The following HSP90B1 variants were observed in gnomAD, a reference collection of about 807,000 sequenced individuals.
The protein encoded by HSP90B1 is endoplasmin.
A neutral mutation model predicts 100.4 loss-of-function variants in HSP90B1; 27 were observed. The ratio of observed to expected loss-of-function variants is 0.27; its 90% confidence interval spans 0.20 to 0.37. The LOEUF (loss-of-function observed/expected upper bound fraction) is 0.37. Among genes scored for constraint, HSP90B1 ranks in the 10% least tolerant of loss-of-function variants. The pLI, the probability that HSP90B1 is intolerant of heterozygous loss-of-function variation, is 1.00. For synonymous variants in HSP90B1, 304 were observed against 330.8 expected (o/e 0.92, Z 0.88); for missense variants, 678 against 960.5 (o/e 0.71, Z 3.89).
In HSP90B1 at chr12:103,930,646, AG is replaced by A. The variant is rs1173500418; in HGVS notation, c.49+88del. On this transcript the variant is annotated intron_variant, in intron 1 of 17. Transcript: ENST00000299767. This position sits in a 1 kb window ranked among gnomAD's most constrained non-coding sequence, Gnocchi z 4.4. ...AGGTCCTGGGGGCGTTGAACGTGGGAGGGGGGATCCCGGGGCCTGCGGTGGG... is the reference window on the plus strand; with the variant it reads ...AGGTCCTGGGGGCGTTGAACGTGGGAGGGGGATCCCGGGGCCTGCGGTGGG... 5 of 1,407,576 alleles carry A rather than the reference AG, an allele frequency of 3.6e-6. No homozygotes were observed. Among genetic ancestry groups the A allele is most frequent in the Admixed American group, 2.2e-5 (1 of 46,324 alleles). 87.2% of individuals were successfully genotyped at this position (1,407,576 alleles called of 1,614,324 possible).
chr12:103,943,224 G>A lies in HSP90B1; in HGVS notation c.1795G>A (p.Asp599Asn). ...TGTTGCCAAGGAAGGAGTGAAGTTC[G>A]ATGAAAGTGAGAAAACTAAGGAGAG... ...QNVAKEGVKF[D>N]ESEKTKESRE... The change falls in exon 13 of 18, where the codon GAT (aspartate) becomes AAT (asparagine). Residue 599 changes from aspartate to asparagine, a missense_variant. Around this residue, in one of 8 missense-constraint regions of HSP90B1, gnomAD observed 170 missense variants for 236.7 expected, o/e 0.72. Coordinates refer to ENST00000299767, the MANE Select transcript of HSP90B1 (RefSeq NM_003299.3). This position sits in a 1 kb window ranked among gnomAD's most constrained non-coding sequence, Gnocchi z 5.3. 4 of 1,614,158 alleles carry A rather than the reference G, an allele frequency of 2.5e-6. No homozygotes were observed. Among genetic ancestry groups the A allele is most frequent in the South Asian group, 2.2e-5 (2 of 91,086 alleles).
chr12:103,932,477 A>G, intron 3 of HSP90B1, 59 bp downstream of exon 3: 1 of 1,450,846 alleles, frequency 6.9e-7, no homozygotes, highest in East Asian at 2.3e-5. Context: ...TGTTTACTTA[A>G]ATTTGCTTAA....
In HSP90B1 at chr12:103,947,335, C is replaced by T; in HGVS notation, c.2287C>T (p.Pro763Ser). 5 of 1,602,724 alleles carry T rather than the reference C, an allele frequency of 3.1e-6. No individual in the cohort carries two copies. Among genetic ancestry groups the T allele is most frequent in the Non-Finnish European group, 3.4e-6 (4 of 1,173,720 alleles). Reference sequence around the variant, plus strand: ...GGTGGAAGAAGAGCCCGAAGAAGAACCTGAAGAGACAGCAGAAGACACAAC... The same window carrying T: ...GGTGGAAGAAGAGCCCGAAGAAGAATCTGAAGAGACAGCAGAAGACACAAC... Reference protein sequence around the residue: ...AKVEEEPEEEPEETAEDTTED... With the variant: ...AKVEEEPEEESEETAEDTTED... The change falls in exon 17 of 18, where the codon CCT (proline) becomes TCT (serine). Residue 763 changes from proline (P) to serine (S), a missense_variant. Physicochemically the swap from Pro to Ser is moderately conservative, Grantham distance 74. This residue lies in a region of HSP90B1 where 65 missense variants were observed against 65.1 expected (regional missense o/e 1.00). Transcript: ENST00000299767.
rs375456268 is a variant in HSP90B1, at chr12:103,947,693, G to C, written c.*31G>C. On this transcript the variant is annotated 3_prime_UTR_variant, in exon 18 of 18. Coordinates refer to ENST00000299767, the MANE Select transcript of HSP90B1 (RefSeq NM_003299.3). ...ACTCTCACCATTTGGATCCTGTGTG[G>C]AGAGGGAATGTGAAATTTACATCAT... 3.3e-5 allele frequency: 51 copies of C among 1,562,828 alleles called. No individual in the cohort carries two copies. The highest frequency in any genetic ancestry group is 4.3e-5 in the Non-Finnish European group (49 of 1,133,738).
In HSP90B1 at chr12:103,938,389, A is replaced by G. The variant is rs922226216; in HGVS notation, c.905A>G (p.Glu302Gly). Residue 302 changes from glutamate to glycine, a missense_variant, in exon 7 of 18, where the codon GAG becomes GGG. Glu to Gly is a moderately conservative substitution (Grantham distance 98). Around this residue, in one of 8 missense-constraint regions of HSP90B1, gnomAD observed 238 missense variants for 346.7 expected, o/e 0.69. Transcript: ENST00000299767. ...GAGGAAGAAGAAGCAGCCAAAGAAG[A>G]GAAAGAAGAATCTGATGATGAAGCT... ...PMEEEEAAKEEKEESDDEAAV... is the reference protein window; with the variant it reads ...PMEEEEAAKEGKEESDDEAAV... 2 of 1,582,406 alleles carry G rather than the reference A, an allele frequency of 1.3e-6. No individual in the cohort carries two copies. The highest frequency in any genetic ancestry group is 1.8e-5 in the Admixed American group (1 of 56,112).
chr12:103,932,049 A>AT (rs36044446), intron 2 of HSP90B1: 46,065 of 398,548 alleles, frequency 0.12, 703 homozygotes, highest in Middle Eastern at 0.19. Context: ...GAAAGTTGGG[A>AT]TTTTTTTTTT....
At chr12:103,935,509 C>T in intron 5 of HSP90B1, among the ~76,000 whole-genome samples, 1 of 152,186 alleles carries the variant, frequency 6.6e-6, no homozygotes, top group East Asian at 1.9e-4. Flanking sequence ...GAAGCACATA[C>T]TTATCATTGT....
intron 14 of HSP90B1, among the ~76,000 whole-genome samples, chr12:103,944,342 A>G (rs1230519415): frequency 6.6e-6 from 1 of 152,106 alleles, no homozygotes; most frequent in East Asian, 1.9e-4. Flanking sequence ...AATTAACAGT[A>G]TTTGAACTCA....
At position 103,930,586 on chromosome 12, in the gene HSP90B1, G is replaced by C; in HGVS notation, c.49+22G>C. The C allele has an allele frequency of 1.2e-6, 2 of 1,601,324 alleles. No individual in the cohort carries two copies. ...TTCGGTGAGTGATTCTGGAGGAGCA[G>C]ACGTCCCCCCTCCACACACGCGGCC... On this transcript the variant is annotated intron_variant, in intron 1 of 17. Coordinates refer to ENST00000299767, the MANE Select transcript of HSP90B1 (RefSeq NM_003299.3). This position sits in a 1 kb window ranked among gnomAD's most constrained non-coding sequence, Gnocchi z 4.4.
chr12:103,932,542 C>G lies in HSP90B1; in HGVS notation c.294+124C>G. On this transcript the variant is annotated intron_variant, in intron 3 of 17. Coordinates refer to ENST00000299767, the MANE Select transcript of HSP90B1 (RefSeq NM_003299.3). The stretch of plus-strand genomic sequence containing the variant: ...TAAGTAGGTAACAACCTTTAAATAC[C>G]TAATATGTCCAAGAATTGCTACCAG... 5.1e-6 allele frequency: 4 copies of G among 785,254 alleles called. 1 individual carries two copies. The South Asian group carries it at 7.5e-5, about 15-fold the overall frequency. 48.6% of individuals were successfully genotyped at this position (785,254 alleles called of 1,614,324 possible).
rs147779406 is a variant in HSP90B1, at chr12:103,946,494, A to G, written c.2028-124A>G. 4.6e-3 allele frequency: 3,207 copies of G among 692,262 alleles called. 16 individuals carry two copies. The highest frequency in any genetic ancestry group is 9.5e-3 in the Middle Eastern group (35 of 3,666). 42.9% of individuals were successfully genotyped at this position (692,262 alleles called of 1,614,324 possible). ...TCAAACCTGTGGTGTTCAAGTGTCA[A>G]TAGTACATTTTGATTTTTTTTTTTT... On this transcript the variant is annotated intron_variant, in intron 14 of 17. Transcript: ENST00000299767.
chr12:103,930,896 G>A lies in HSP90B1; in HGVS notation c.49+332G>A, dbSNP rs908488890. ...CCTCCCCGCCCGGAGGACTTTTTCG[G>A]CCACCGCAACCTTCGGCCATCCCAG... On this transcript the variant is annotated intron_variant, in intron 1 of 17. Coordinates refer to ENST00000299767, the MANE Select transcript of HSP90B1 (RefSeq NM_003299.3). The surrounding 1 kb of genome is among the most constrained non-coding windows in gnomAD (Gnocchi z 4.4). Among the ~76,000 whole-genome samples the A allele has an allele frequency of 4.0e-5, 6 of 149,396 alleles. No individual in the cohort carries two copies. Among genetic ancestry groups the A allele is most frequent in the African/African-American group, 1.5e-4 (6 of 40,336 alleles).
At position 103,946,723 on chromosome 12, in the gene HSP90B1, G is replaced by A. The variant is rs199884860; in HGVS notation, c.2106+27G>A. The A allele has an allele frequency of 3.0e-5, 48 of 1,612,512 alleles. No homozygotes were observed. The Middle Eastern group carries it at 4.9e-4, about 17-fold the overall frequency. The stretch of plus-strand genomic sequence containing the variant: ...TAGTATTAAAGCAGTCCTCTTGCTT[G>A]TCTTTTAATTTGAGTACTTTGTATC... On this transcript the variant is annotated intron_variant, in intron 15 of 17. Coordinates refer to ENST00000299767, the MANE Select transcript of HSP90B1 (RefSeq NM_003299.3).
chr12:103,942,942 A>G (rs1300637355), intron 12 of HSP90B1, 132 bp from the exon 13 acceptor site: 24 of 1,428,302 alleles, frequency 1.7e-5, no homozygotes, highest in Non-Finnish European at 2.1e-5. Context: ...AAGGTCATTT[A>G]TATTCTCTGA....
Position 103,947,325 on chromosome 12 carries a change from CGAA to C in HSP90B1, c.2284_2286del (p.Glu762del). The C allele has an allele frequency of 3.1e-6, 5 of 1,596,078 alleles. No individual in the cohort carries two copies. The highest frequency in any genetic ancestry group is 1.7e-4 in the Middle Eastern group (1 of 5,958). On this transcript the variant is annotated inframe_deletion, in exon 17 of 18. Coordinates refer to ENST00000299767, the MANE Select transcript of HSP90B1 (RefSeq NM_003299.3). ...GTTGTGTTTAGGTGGAAGAAGAGCC[CGAA>C]GAAGAACCTGAAGAGACAGCAGAAG...
At chr12:103,934,991 G>A (rs912586784) in intron 5 of HSP90B1, among the ~76,000 whole-genome samples, 6 of 152,150 alleles carry the variant, frequency 3.9e-5, no homozygotes, top group South Asian at 2.1e-4. Context: ...ATGAGCTACC[G>A]TGCCCAGCCA....
At chr12:103,946,039 G>A (rs1038353018) in intron 14 of HSP90B1, among the ~76,000 whole-genome samples, 3 of 152,114 alleles carry the variant, frequency 2.0e-5, no homozygotes, top group African/African-American at 4.8e-5. Context: ...AAGTCGTGCC[G>A]TATTTGCATA....
Position 103,943,661 on chromosome 12 carries a change from T to G in HSP90B1, c.1891-77T>G. ...GTTTATGATCTTAAGTGATAAAGTC[T>G]TAGACAGTTGAAAGACAATTGCTCA... is the stretch of plus-strand genomic sequence containing the variant. On this transcript the variant is annotated intron_variant, in intron 13 of 17. Coordinates refer to ENST00000299767, the MANE Select transcript of HSP90B1 (RefSeq NM_003299.3). The surrounding 1 kb of genome is among the most constrained non-coding windows in gnomAD (Gnocchi z 5.3). 1 of 1,400,186 alleles carries G rather than the reference T, an allele frequency of 7.1e-7. No homozygotes were observed. Among genetic ancestry groups the G allele is most frequent in the African/African-American group, 1.4e-5 (1 of 70,190 alleles). The allele number at this position is 1,400,186 out of a possible 1,614,324, so 86.7% of individuals were successfully genotyped here. A position where few individuals can be genotyped will look rare whatever the true frequency, so the allele number is the denominator to read the frequency against.
chr12:103,939,479 G>C, intron 7 of HSP90B1, 30 bp from the exon 8 acceptor site: 1 of 1,015,944 alleles, frequency 9.8e-7, no homozygotes, highest in Non-Finnish European at 1.5e-6. Flanking sequence ...AGTGCTGAGA[G>C]AGACTAATCA....
Sources: allele counts gnomAD v4.1 joint callset (sites outside exome capture counted in the v4.1 genomes callset), GRCh38; gene constraint gnomAD v4.1.1; regional missense constraint gnomAD v4.1.1; non-coding constraint Gnocchi (gnomAD v3.1); transcripts MANE v1.5; gene names NCBI Gene and HGNC (gene_info 2026-07-23, HGNC 2026-07-21).